Variants in PAQR5 observed in about 807,000 individuals in gnomAD.
PAQR5 encodes the protein progestin and adipoQ receptor family member 5.
A neutral mutation model predicts 34.5 loss-of-function variants in PAQR5; 20 were observed. That is an observed-to-expected ratio of 0.58 (90% CI 0.41 to 0.84). The LOEUF is 0.84. Among genes scored for constraint, PAQR5 ranks in the 40% least tolerant of loss-of-function variants. The pLI is 0.00. For missense variants in PAQR5, 378 were observed against 412.7 expected (o/e 0.92, Z 0.73); for synonymous variants, 131 against 155.6 (o/e 0.84, Z 1.18).
intron 6 of PAQR5, among the ~76,000 whole-genome samples, chr15:69,390,673 C>T (rs947820425): frequency 2.0e-5 from 3 of 152,090 alleles, no homozygotes; most frequent in Non-Finnish European, 4.4e-5. Flanking sequence ...TTAGCACAAG[C>T]CTGGCACAGA....
chr15:69,304,445 G>A (rs1439488945), intron 1 of PAQR5, among the ~76,000 whole-genome samples: 1 of 152,194 alleles, frequency 6.6e-6, no homozygotes, highest in Admixed American at 6.5e-5. Context: ...AAAGGGTAAG[G>A]GTGACTCTAG....
chr15:69,359,467 G>T (rs1251523905), intron 2 of PAQR5, among the ~76,000 whole-genome samples: 1 of 152,116 alleles, frequency 6.6e-6, no homozygotes, highest in East Asian at 1.9e-4. Context: ...CTCTAAGGGG[G>T]TGCGTGTGAG....
chr15:69,389,961 A>T (rs945119006), intron 6 of PAQR5, among the ~76,000 whole-genome samples, 181 bp downstream of exon 6: 1 of 152,220 alleles, frequency 6.6e-6, no homozygotes, highest in African/African-American at 2.4e-5. Context: ...CGCAAGCTCC[A>T]GGCCTCCATG....
intron 1 of PAQR5, among the ~76,000 whole-genome samples, chr15:69,322,841 A>AGAAGAG (rs1566998283): frequency 6.7e-6 from 1 of 148,782 alleles, no homozygotes; most frequent in Non-Finnish European, 1.5e-5. Context: ...AAGAAGAGGA[A>AGAAGAG]GAAGAAGAGG....
chr15:69,314,850 G>C (rs1310617685), intron 1 of PAQR5: 1 of 153,076 alleles, frequency 6.5e-6, no homozygotes, highest in African/African-American at 2.4e-5. Context: ...GGTATGAGAA[G>C]AACAGAGGCT....
At chr15:69,345,873 C>A (rs1435529173) in intron 2 of PAQR5, among the ~76,000 whole-genome samples, 9 of 152,176 alleles carry the variant, frequency 5.9e-5, no homozygotes, top group South Asian at 2.1e-4. Context: ...TTCAAGGCTG[C>A]AGTGTGCTGT....
In PAQR5 at chr15:69,375,434, A is replaced by G. The variant is rs73442836; in HGVS notation, c.52-4449A>G. Among the ~76,000 whole-genome samples the G allele has an allele frequency of 7.7e-3, 1,169 of 152,250 alleles. 15 individuals carry two copies. Among genetic ancestry groups the G allele is most frequent in the African/African-American group, 0.027 (1,121 of 41,534 alleles). On this transcript the variant is annotated intron_variant, in intron 3 of 8. Transcript: ENST00000395407. ...GGAGGTTAGGACTTTAACTTAACAG[A>G]TGAATTTTGGGAGGGACACAGTTGC...
In PAQR5 at chr15:69,360,070, C is replaced by T. The variant is rs761882464; in HGVS notation, c.-11C>T. On this transcript the variant is annotated 5_prime_UTR_variant, in exon 3 of 9. Coordinates refer to ENST00000395407, the MANE Select transcript of PAQR5 (RefSeq NM_017705.4). ...GCTGTCACCTACTGGCCTTGCCAATCCAGCTCCAAGATGCTGAGCCTGAAG... is the reference window on the plus strand; with the variant it reads ...GCTGTCACCTACTGGCCTTGCCAATTCAGCTCCAAGATGCTGAGCCTGAAG... 2 of 1,612,916 alleles carry T rather than the reference C, an allele frequency of 1.2e-6. No homozygotes were observed. The highest frequency in any genetic ancestry group is 2.2e-5 in the South Asian group (2 of 91,028).
intron 7 of PAQR5, among the ~76,000 whole-genome samples, chr15:69,398,124 G>A (rs745459083): frequency 1.5e-4 from 23 of 152,156 alleles, no homozygotes; most frequent in Non-Finnish European, 2.8e-4. Flanking sequence ...AGGATTACAC[G>A]GGGAACATGT....
At chr15:69,323,353 A>C (rs765510829) in intron 1 of PAQR5, among the ~76,000 whole-genome samples, 1 of 152,180 alleles carries the variant, frequency 6.6e-6, no homozygotes, top group Non-Finnish European at 1.5e-5. Context: ...TGAGGGAGGG[A>C]TCCCCCTCTT....
intron 1 of PAQR5, among the ~76,000 whole-genome samples, chr15:69,334,404 G>T (rs536668652): frequency 2.0e-5 from 3 of 152,280 alleles, no homozygotes; most frequent in Non-Finnish European, 4.4e-5. Flanking sequence ...TCTAAAATAA[G>T]GTCAGGTATC....
intron 2 of PAQR5, among the ~76,000 whole-genome samples, chr15:69,355,329 TTTC>T (rs2055037106): frequency 4.1e-5 from 2 of 48,590 alleles, no homozygotes; most frequent in Non-Finnish European, 8.0e-5. Context: ...TCTTTCTTTC[TTTC>T]TTTCTTTCTT....
chr15:69,309,786 A>G (rs947940130), intron 1 of PAQR5, among the ~76,000 whole-genome samples: 2 of 152,234 alleles, frequency 1.3e-5, no homozygotes. Context: ...GCGGTGGTTC[A>G]TGCCTGTAAT....
At chr15:69,368,607 C>T (rs574583761) in intron 3 of PAQR5, among the ~76,000 whole-genome samples, 11 of 152,248 alleles carry the variant, frequency 7.2e-5, no homozygotes, top group African/African-American at 2.6e-4. Context: ...CTCTTATTAG[C>T]TTTTTCATAT....
In PAQR5 at chr15:69,400,001, C is replaced by T; in HGVS notation, c.637C>T (p.Gln213Ter). Residue 213 changes from glutamine (Q) to a stop codon, truncating the protein, a stop_gained, in exon 8 of 9, where the codon CAA (glutamine) becomes TAA (stop). Coordinates refer to ENST00000395407, the MANE Select transcript of PAQR5 (RefSeq NM_017705.4). LOFTEE classifies it high-confidence loss of function. The stretch of plus-strand genomic sequence containing the variant: ...ATTCCTGTTCCCAGGGGAGAGTGCA[C>T]AAAATGAAGCCACCTCGTACCACCA... ...RLFLFPGESA[Q>*]NEATSYHQKH... The T allele has an allele frequency of 1.2e-6, 2 of 1,614,122 alleles. 1 individual carries two copies. The highest frequency in any genetic ancestry group is 2.2e-5 in the South Asian group (2 of 91,082).
At chr15:69,331,544 G>T (rs950527553) in intron 1 of PAQR5, among the ~76,000 whole-genome samples, 1 of 152,090 alleles carries the variant, frequency 6.6e-6, no homozygotes, top group African/African-American at 2.4e-5. Context: ...TGGAAGTCCA[G>T]CAGGTCTAAC....
intron 1 of PAQR5, among the ~76,000 whole-genome samples, chr15:69,314,201 TAAGTGGA>T (rs1057302970): frequency 6.6e-6 from 1 of 151,532 alleles, no homozygotes; most frequent in African/African-American, 2.4e-5. Context: ...TTACAAATTG[TAAGTGGA>T]AAAAAAAAAA....
Position 69,347,206 on chromosome 15 carries a change from C to T in PAQR5, c.-116+9705C>T, listed in dbSNP as rs193221860. On this transcript the variant is annotated intron_variant, in intron 2 of 8. Transcript: ENST00000395407. ...ATTAGCAAGAGAGTTCTTATTTATC[C>T]GGATGGCAAGAAAACATGACACAAG... 7.9e-5 allele frequency among the ~76,000 whole-genome samples: 12 copies of T among 152,282 alleles called. No individual in the cohort carries two copies. The East Asian group carries it at 2.1e-3, about 27-fold the overall frequency.
At chr15:69,307,072 A>G (rs2053733982) in intron 1 of PAQR5, among the ~76,000 whole-genome samples, 1 of 149,372 alleles carries the variant, frequency 6.7e-6, no homozygotes, top group African/African-American at 2.5e-5. Flanking sequence ...TTAAGGCTGC[A>G]TAATATTCCA....
Sources: gnomAD v4.1 joint callset for allele counts (sites outside exome capture counted in the v4.1 genomes callset) on GRCh38, gnomAD v4.1.1 for gene constraint, MANE v1.5 for transcripts, NCBI Gene and HGNC (gene_info 2026-07-23, HGNC 2026-07-21) for gene names.